EPB41L4A: variants seen among roughly 807,000 people sequenced by gnomAD.
The protein encoded by EPB41L4A is band 4.1-like protein 4A.
EPB41L4A carries 100 observed loss-of-function variants against 108.6 expected under a neutral mutation model. That is an observed-to-expected ratio of 0.92 (90% CI 0.78 to 1.09). The LOEUF (loss-of-function observed/expected upper bound fraction) is 1.09. Ranked by LOEUF, EPB41L4A falls within the 50% of genes least tolerant of loss-of-function variation. The probability of loss-of-function intolerance (pLI) is 0.00; values close to 1 mark genes in which losing one functional copy is unlikely to be tolerated. For synonymous variants in EPB41L4A, 319 were observed against 289.0 expected (o/e 1.10, Z -1.05); for missense variants, 1,030 against 842.7 (o/e 1.22, Z -2.75).
intron 2 of EPB41L4A, among the ~76,000 whole-genome samples, chr5:112,285,622 G>C (rs540673796): frequency 6.6e-6 from 1 of 152,126 alleles, no homozygotes; most frequent in Admixed American, 6.6e-5. Flanking sequence ...CTACAGGGAG[G>C]GAGAGATAAT....
intron 13 of EPB41L4A, among the ~76,000 whole-genome samples, chr5:112,145,495 TG>T (rs1040096690): frequency 1.3e-5 from 2 of 152,354 alleles, no homozygotes; most frequent in African/African-American, 4.8e-5. Flanking sequence ...TGACAGCCAT[TG>T]TACACAACTG....
intron 22 of EPB41L4A, 23 bp from the exon 23 acceptor site, chr5:112,165,141 AG>A: frequency 6.5e-7 from 1 of 1,541,968 alleles, no homozygotes; most frequent in African/African-American, 1.4e-5. Context: ...TGAAAAATGT[AG>A]AAAGATTCAG....
At chr5:112,206,274 G>T (rs1377212773) in intron 13 of EPB41L4A, among the ~76,000 whole-genome samples, 1 of 151,770 alleles carries the variant, frequency 6.6e-6, no homozygotes, top group Non-Finnish European at 1.5e-5. Context: ...GCTTTTTGAG[G>T]AATCCTCTGT....
At chr5:112,172,242 G>GT (rs1760620954) in intron 18 of EPB41L4A, among the ~76,000 whole-genome samples, 1 of 152,202 alleles carries the variant, frequency 6.6e-6, no homozygotes, top group Non-Finnish European at 1.5e-5. Context: ...TGGGCATAGT[G>GT]GCTCAAGCCT....
chr5:112,169,425 TC>T (rs1474895025), intron 20 of EPB41L4A, among the ~76,000 whole-genome samples: 2 of 152,146 alleles, frequency 1.3e-5, no homozygotes, highest in Non-Finnish European at 2.9e-5. Context: ...GTAAACAAAA[TC>T]TATAATGCAG....
intron 9 of EPB41L4A, among the ~76,000 whole-genome samples, chr5:112,243,218 A>AAT (rs1045029867): frequency 6.9e-4 from 98 of 142,374 alleles, no homozygotes; most frequent in Admixed American, 1.4e-3. Context: ...CTGTCTCGAA[A>AAT]ATATATATAT....
chr5:112,363,003 C>A (rs368032), intron 1 of EPB41L4A, among the ~76,000 whole-genome samples: 132,373 of 151,936 alleles, frequency 0.87, 57,791 homozygotes, highest in South Asian at 0.96. Context: ...TCTATTACTT[C>A]AGGAAGCCAA....
At chr5:112,183,968 C>T (rs1193487212) in intron 18 of EPB41L4A, 48 bp downstream of exon 18, 1 of 1,609,860 alleles carries the variant, frequency 6.2e-7, no homozygotes, top group Admixed American at 1.7e-5. Flanking sequence ...CCACATGCTA[C>T]TTCAAATTCA....
intron 12 of EPB41L4A, among the ~76,000 whole-genome samples, chr5:112,233,385 C>T (rs1029575099): frequency 1.3e-5 from 2 of 152,058 alleles, no homozygotes; most frequent in Non-Finnish European, 2.9e-5. Context: ...GGGATGCAGG[C>T]TAGATTAAAC....
At chr5:112,229,853 T>C (rs1286721983) in intron 12 of EPB41L4A, among the ~76,000 whole-genome samples, 1 of 151,276 alleles carries the variant, frequency 6.6e-6, no homozygotes, top group South Asian at 2.1e-4. Flanking sequence ...CCAGGCATGG[T>C]GGTGGTCGCC....
intron 1 of EPB41L4A, among the ~76,000 whole-genome samples, chr5:112,385,425 G>T (rs1760446822): frequency 6.6e-6 from 1 of 150,938 alleles, no homozygotes; most frequent in African/African-American, 2.4e-5. Flanking sequence ...TTTTTAAAAA[G>T]GCCAAGAAAA....
chr5:112,417,469 A>G (rs1762782571), intron 1 of EPB41L4A, among the ~76,000 whole-genome samples: 1 of 152,224 alleles, frequency 6.6e-6, no homozygotes, highest in African/African-American at 2.4e-5. Context: ...GAATCTATAT[A>G]TTATCTACAA....
intron 1 of EPB41L4A, among the ~76,000 whole-genome samples, chr5:112,404,506 T>C (rs1215159490): frequency 6.6e-6 from 1 of 152,198 alleles, no homozygotes; most frequent in Non-Finnish European, 1.5e-5. Flanking sequence ...TGGGATAATA[T>C]TAGCATCAGT....
intron 9 of EPB41L4A, among the ~76,000 whole-genome samples, chr5:112,246,691 T>C (rs1325617799): frequency 6.6e-6 from 1 of 152,178 alleles, no homozygotes; most frequent in Non-Finnish European, 1.5e-5. Context: ...CAAACGCATA[T>C]CTGACTCTTC....
At chr5:112,173,299 G>A (rs1253677095) in intron 18 of EPB41L4A, among the ~76,000 whole-genome samples, 4 of 152,060 alleles carry the variant, frequency 2.6e-5, no homozygotes, top group Non-Finnish European at 5.9e-5. Context: ...ATGCTTTCAG[G>A]GTGGACACGG....
At chr5:112,155,778 T>G (rs1352653683) in intron 12 of EPB41L4A, among the ~76,000 whole-genome samples, 1 of 152,188 alleles carries the variant, frequency 6.6e-6, no homozygotes, top group African/African-American at 2.4e-5. Context: ...AAATTTAATA[T>G]AGGTTTACCA....
chr5:112,253,790 G>T (rs1470773790), intron 9 of EPB41L4A, among the ~76,000 whole-genome samples: 1 of 152,126 alleles, frequency 6.6e-6, no homozygotes, highest in African/African-American at 2.4e-5. Flanking sequence ...AAATGAATAT[G>T]TTCTTCGTAA....
chr5:112,362,895 G>A (rs1365397348), intron 1 of EPB41L4A, among the ~76,000 whole-genome samples: 1 of 147,060 alleles, frequency 6.8e-6, no homozygotes, highest in African/African-American at 2.5e-5. Context: ...AGCTTTATAT[G>A]TATTTTTATT....
chr5:112,300,929 G>A (rs1218545564), intron 2 of EPB41L4A, among the ~76,000 whole-genome samples: 1 of 151,962 alleles, frequency 6.6e-6, no homozygotes, highest in East Asian at 1.9e-4. Context: ...GCTTGTTCGA[G>A]TCTTACTGCT....
Sources: allele counts gnomAD v4.1 joint callset (sites outside exome capture counted in the v4.1 genomes callset), GRCh38; gene constraint gnomAD v4.1.1; transcripts MANE v1.5; gene names NCBI Gene and HGNC (gene_info 2026-07-23, HGNC 2026-07-21).